Variants in UTP4 observed in about 807,000 individuals in gnomAD.
The protein encoded by UTP4 is U3 small nucleolar RNA-associated protein 4 homolog.
Under a neutral mutation model 82.4 loss-of-function variants are expected in UTP4, and 45 were observed. The ratio of observed to expected loss-of-function variants is 0.55; its 90% confidence interval spans 0.43 to 0.70. UTP4 has a LOEUF of 0.70. UTP4 is among the 30% of genes least tolerant of loss of function. The probability of loss-of-function intolerance (pLI) is 0.00; values close to 1 mark genes in which losing one functional copy is unlikely to be tolerated. For missense variants in UTP4, 819 were observed against 858.3 expected (o/e 0.95, Z 0.57); for synonymous variants, 348 against 300.3 (o/e 1.16, Z -1.64).
intron 12 of UTP4, among the ~76,000 whole-genome samples, chr16:69,157,618 G>A (rs1963454807): frequency 6.6e-6 from 1 of 151,976 alleles, no homozygotes; most frequent in Admixed American, 6.6e-5. Flanking sequence ...TATTTTGTGG[G>A]CATGTTGCCT....
intron 12 of UTP4, among the ~76,000 whole-genome samples, chr16:69,158,910 C>T (rs1253459794): frequency 6.6e-6 from 1 of 152,114 alleles, no homozygotes; most frequent in African/African-American, 2.4e-5. Context: ...CACTAGTTGT[C>T]GTGTTGCCAG....
intron 10 of UTP4, 33 bp from the exon 11 acceptor site, chr16:69,155,838 T>C (rs1040833131): frequency 6.2e-7 from 1 of 1,613,784 alleles, no homozygotes; most frequent in African/African-American, 1.3e-5. Flanking sequence ...TGAAGTTTAA[T>C]TGCACATTCA....
intron 5 of UTP4, 69 bp from the exon 6 acceptor site, chr16:69,143,109 T>G: frequency 6.5e-7 from 1 of 1,529,406 alleles, no homozygotes. Context: ...CCTTCCACTT[T>G]GGCCGCAGGC....
chr16:69,140,696 T>G (rs576005450), intron 5 of UTP4, among the ~76,000 whole-genome samples: 1 of 151,960 alleles, frequency 6.6e-6, no homozygotes. Flanking sequence ...TCCCTTAAGC[T>G]TATTACAAAA....
At chr16:69,166,818 A>T (rs1963713957) in intron 15 of UTP4, 1 of 506,214 alleles carries the variant, frequency 2.0e-6, no homozygotes, top group Admixed American at 3.4e-5. Flanking sequence ...TCATACACCC[A>T]CCCTCTACAG....
rs72148754 is a variant in UTP4 at position 69,140,673 on chromosome 16, CA to C, written c.526+771del. On this transcript the variant is annotated intron_variant, in intron 5 of 16. Transcript: ENST00000314423. ...TGACAACAAGAGTGAAACTGCGTCT[CA>C]AAAAAAAAAAATCCCTTAAGCTTAT... Among the ~76,000 whole-genome samples the C allele has an allele frequency of 1.5e-3, 220 of 142,150 alleles. 1 individual carries two copies. Among genetic ancestry groups the C allele is most frequent in the South Asian group, 4.2e-3 (19 of 4,494 alleles). The allele number at this position is 142,150 out of a possible 152,430, so 93.3% of individuals were successfully genotyped here.
At chr16:69,149,248 C>T (rs943508949) in intron 6 of UTP4, among the ~76,000 whole-genome samples, 1 of 151,980 alleles carries the variant, frequency 6.6e-6, no homozygotes, top group African/African-American at 2.4e-5. Context: ...GGCATGGTGG[C>T]GCACGCCTGT....
At chr16:69,147,001 C>CAAAAAAAAAAAAA (rs71148965) in intron 6 of UTP4, among the ~76,000 whole-genome samples, 7 of 85,782 alleles carry the variant, frequency 8.2e-5, no homozygotes, top group Non-Finnish European at 1.6e-4. Context: ...GACTCTGCCT[C>CAAAAAAAAAAAAA]AAAAAAAAAA....
At chr16:69,162,724 A>AG (rs1323837547) in intron 13 of UTP4, among the ~76,000 whole-genome samples, 1 of 151,284 alleles carries the variant, frequency 6.6e-6, no homozygotes, top group East Asian at 1.9e-4. Context: ...AAAAAAAAAA[A>AG]AAGAAAAACA....
At chr16:69,144,192 T>TTC (rs1193440865) in intron 6 of UTP4, among the ~76,000 whole-genome samples, 1 of 144,946 alleles carries the variant, frequency 6.9e-6, no homozygotes, top group Non-Finnish European at 1.5e-5. Flanking sequence ...CTGGCCTATT[T>TTC]TCTCTCTCTT....
At chr16:69,158,776 T>C (rs1963489745) in intron 12 of UTP4, among the ~76,000 whole-genome samples, 1 of 152,178 alleles carries the variant, frequency 6.6e-6, no homozygotes, top group South Asian at 2.1e-4. Flanking sequence ...CCATCCTTTT[T>C]TCCTCATCCC....
intron 12 of UTP4, among the ~76,000 whole-genome samples, chr16:69,159,984 CAAAAAAA>C (rs747900916): frequency 2.4e-4 from 22 of 90,486 alleles, no homozygotes; most frequent in Non-Finnish European, 3.9e-4. Context: ...GACTCCATCT[CAAAAAAA>C]AAAAAACAAA....
At chr16:69,158,985 T>G (rs1278736474) in intron 12 of UTP4, among the ~76,000 whole-genome samples, 5 of 152,308 alleles carry the variant, frequency 3.3e-5, no homozygotes, top group African/African-American at 1.2e-4. Context: ...TAGTGCTAAA[T>G]ACACAGCAGG....
At chr16:69,153,038 C>T (rs1210173345) in intron 8 of UTP4, among the ~76,000 whole-genome samples, 1 of 152,186 alleles carries the variant, frequency 6.6e-6, no homozygotes, top group Non-Finnish European at 1.5e-5. Context: ...GAACCTGTCT[C>T]CATCCAGGCC....
chr16:69,159,951 C>G (rs1367678810), intron 12 of UTP4, among the ~76,000 whole-genome samples: 3 of 150,728 alleles, frequency 2.0e-5, no homozygotes, highest in African/African-American at 4.9e-5. Context: ...CGCCACTGCA[C>G]TCCAGCCCGA....
intron 12 of UTP4, 98 bp downstream of exon 12, chr16:69,157,338 C>T (rs1432225174): frequency 1.2e-5 from 15 of 1,213,088 alleles, no homozygotes; most frequent in Non-Finnish European, 1.8e-5. Flanking sequence ...TCATGTTCCT[C>T]CTACCCTGCA....
intron 6 of UTP4, among the ~76,000 whole-genome samples, chr16:69,147,039 T>C (rs1189744915): frequency 6.8e-6 from 1 of 147,062 alleles, no homozygotes; most frequent in Non-Finnish European, 1.5e-5. Context: ...TTAGCCTGCA[T>C]GGTGCTGCGT....
intron 11 of UTP4, 53 bp downstream of exon 11, chr16:69,156,046 C>A: frequency 1.9e-6 from 3 of 1,583,168 alleles, no homozygotes; most frequent in Non-Finnish European, 2.6e-6. Flanking sequence ...CTAAATATGT[C>A]ATTTTTGTGT....
chr16:69,148,561 T>C lies in UTP4; in HGVS notation c.739-1976T>C, dbSNP rs115715577. ...ATTAGGAATCTTCAATCTGTATTAG[T>C]ATAGCTGTTTGAGTTCCTGCCTTCA... On this transcript the variant is annotated intron_variant, in intron 6 of 16. Transcript: ENST00000314423. Among the ~76,000 whole-genome samples the C allele has an allele frequency of 4.9e-3, 749 of 152,110 alleles. 3 individuals carry two copies. The highest frequency in any genetic ancestry group is 0.018 in the African/African-American group (730 of 41,500).
Sources: allele counts gnomAD v4.1 joint callset (sites outside exome capture counted in the v4.1 genomes callset), GRCh38; gene constraint gnomAD v4.1.1; transcripts MANE v1.5; gene names NCBI Gene and HGNC (gene_info 2026-07-23, HGNC 2026-07-21).